Variants in SFI1 observed in about 807,000 individuals in gnomAD.
The protein encoded by SFI1 is protein SFI1 homolog.
Under a neutral mutation model 207.5 loss-of-function variants are expected in SFI1, and 195 were observed. The ratio of observed to expected loss-of-function variants is 0.94; its 90% CI spans 0.84 to 1.06. SFI1 has a LOEUF of 1.06. SFI1 is among the 50% of genes least tolerant of loss of function. The pLI, the probability that SFI1 is intolerant of heterozygous loss-of-function variation, is 0.00. For synonymous variants in SFI1, 630 were observed against 598.9 expected (o/e 1.05, Z -0.76); for missense variants, 1,634 against 1,588.0 (o/e 1.03, Z -0.49).
intron 15 of SFI1, among the ~76,000 whole-genome samples, chr22:31,592,850 CG>C (rs1433208231): frequency 1.1e-5 from 1 of 94,338 alleles, no homozygotes; most frequent in African/African-American, 4.8e-5. Context: ...GCTGGCCAGG[CG>C]GGGGGGCTGA....
intron 2 of SFI1, among the ~76,000 whole-genome samples, chr22:31,516,488 G>C (rs191765525): frequency 1.8e-4 from 27 of 151,686 alleles, no homozygotes; most frequent in African/African-American, 6.3e-4. Context: ...ACTCCAGCCT[G>C]GGCAACAGAG....
chr22:31,549,240 TG>T (rs1046931153), intron 5 of SFI1, among the ~76,000 whole-genome samples: 1 of 135,786 alleles, frequency 7.4e-6, no homozygotes, highest in Non-Finnish European at 1.5e-5. Flanking sequence ...CAGTGAGCCA[TG>T]TTCACATTAC....
chr22:31,604,537 C>A lies in SFI1; in HGVS notation c.1977+133C>A, dbSNP rs191523941. The A allele has an allele frequency of 1.9e-4, 146 of 780,214 alleles. No homozygotes were observed. The Middle Eastern group carries it at 1.9e-3, about 10-fold the overall frequency. 48.3% of individuals were successfully genotyped at this position (780,214 alleles called of 1,614,324 possible). ...TGACACACCTCAAACCAAGCAGGTG[C>A]CCCGGACAGCGGGCCTTAGGCCATA... On this transcript the variant is annotated intron_variant, in intron 19 of 32. Coordinates refer to ENST00000400288, the MANE Select transcript of SFI1 (RefSeq NM_001007467.3).
At chr22:31,525,854 C>T (rs2057855924) in intron 2 of SFI1, among the ~76,000 whole-genome samples, 1 of 152,158 alleles carries the variant, frequency 6.6e-6, no homozygotes, top group Admixed American at 6.6e-5. Flanking sequence ...GTTTTGGTTA[C>T]TACAGCTTTG....
intron 8 of SFI1, among the ~76,000 whole-genome samples, chr22:31,567,657 A>G (rs2062460401): frequency 6.6e-6 from 1 of 152,114 alleles, no homozygotes; most frequent in African/African-American, 2.4e-5. Flanking sequence ...ATGGTTACCT[A>G]TAGGAGGAGG....
rs1460160075 is a variant in SFI1 at position 31,587,486 on chromosome 22, T to TG, written c.1414-1961_1414-1960insG. On this transcript the variant is annotated intron_variant, in intron 14 of 32. Coordinates refer to ENST00000400288, the MANE Select transcript of SFI1 (RefSeq NM_001007467.3). ...CCCAGCTAATGTTTGTGTTTTGTTT[T>TG]TTTTTTTGTAGAGGTGGGGTGCCAC... 9 of 184,958 alleles carry TG rather than the reference T, an allele frequency of 4.9e-5. No homozygotes were observed. The East Asian group carries it at 5.4e-4, about 11-fold the overall frequency. The allele number at this position is 184,958 out of a possible 1,614,324, so 11.5% of individuals were successfully genotyped here.
chr22:31,575,504 A>C (rs1360713109), intron 10 of SFI1, 112 bp downstream of exon 10: 7 of 1,152,040 alleles, frequency 6.1e-6, no homozygotes, highest in African/African-American at 1.5e-5. Flanking sequence ...CAAACGATTC[A>C]AAACAGCCTT....
At chr22:31,592,356 G>A (rs1696848207) in intron 15 of SFI1, among the ~76,000 whole-genome samples, 1 of 66,784 alleles carries the variant, frequency 1.5e-5, no homozygotes, top group South Asian at 6.5e-4. Context: ...GGGCAGGGGG[G>A]CTGACCCCCC....
At chr22:31,603,477 G>T (rs1299209047) in intron 17 of SFI1, among the ~76,000 whole-genome samples, 1 of 152,214 alleles carries the variant, frequency 6.6e-6, no homozygotes, top group Non-Finnish European at 1.5e-5. Context: ...GTCGCACACT[G>T]ACCATGTTTA....
At chr22:31,598,175 A>AG (rs1192623262) in intron 15 of SFI1, among the ~76,000 whole-genome samples, 1 of 150,962 alleles carries the variant, frequency 6.6e-6, no homozygotes, top group African/African-American at 2.4e-5. Flanking sequence ...TTAGTAGAGA[A>AG]GGGGTTTCAC....
intron 4 of SFI1, among the ~76,000 whole-genome samples, chr22:31,535,778 C>T (rs1402809695): frequency 6.6e-6 from 1 of 152,126 alleles, no homozygotes; most frequent in African/African-American, 2.4e-5. Flanking sequence ...CGAGGTCTCG[C>T]TGTATTGCCC....
chr22:31,607,848 C>T, intron 21 of SFI1, 89 bp from the exon 22 acceptor site: 1 of 1,160,840 alleles, frequency 8.6e-7, no homozygotes, highest in Non-Finnish European at 1.3e-6. Context: ...CTTGGCCTTG[C>T]CTCTCCAGGA....
chr22:31,519,763 G>A (rs1040734780), intron 2 of SFI1, among the ~76,000 whole-genome samples: 1 of 151,660 alleles, frequency 6.6e-6, no homozygotes, highest in African/African-American at 2.4e-5. Flanking sequence ...TTGTAGAGAT[G>A]GGGTCTCTCT....
At chr22:31,607,721 C>T (rs62237830) in intron 21 of SFI1, 10,909 of 416,184 alleles carry the variant, frequency 0.026, 183 homozygotes, top group Non-Finnish European at 0.036. Context: ...GTAGAAGAGT[C>T]CCAGCAGCTG....
intron 2 of SFI1, among the ~76,000 whole-genome samples, chr22:31,510,489 G>A (rs945327231): frequency 7.2e-5 from 11 of 151,742 alleles, no homozygotes; most frequent in Non-Finnish European, 1.5e-4. Flanking sequence ...ACTGGAGTAC[G>A]GTGGTGTGAT....
intron 4 of SFI1, among the ~76,000 whole-genome samples, chr22:31,545,574 A>AATTTTATTTAATTTT (rs796805483): frequency 6.9e-5 from 9 of 130,956 alleles, no homozygotes; most frequent in African/African-American, 3.4e-4. Flanking sequence ...AATTTAATTT[A>AATTTTATTTAATTTT]ATTTAATTTA....
chr22:31,604,763 A>T, intron 19 of SFI1, 106 bp from the exon 20 acceptor site: 5 of 1,010,640 alleles, frequency 4.9e-6, no homozygotes, highest in Admixed American at 2.7e-5. Context: ...ACCCTTTTTG[A>T]GTTCTCTGGG....
At chr22:31,530,933 G>A (rs550133854) in intron 3 of SFI1, 125 bp from the exon 4 acceptor site, 33 of 697,568 alleles carry the variant, frequency 4.7e-5, no homozygotes, top group South Asian at 3.3e-4. Flanking sequence ...CTATGATACC[G>A]CCTTTTGATT....
intron 15 of SFI1, among the ~76,000 whole-genome samples, chr22:31,596,209 C>T (rs540654594): frequency 2.0e-5 from 3 of 152,130 alleles, no homozygotes; most frequent in Non-Finnish European, 2.9e-5. Context: ...GTTGAGATGG[C>T]GCCACTGCAC....
Sources: allele counts gnomAD v4.1 joint callset (sites outside exome capture counted in the v4.1 genomes callset), GRCh38; gene constraint gnomAD v4.1.1; transcripts MANE v1.5; gene names NCBI Gene and HGNC (gene_info 2026-07-23, HGNC 2026-07-21).